The following MAGI1 variants were observed in gnomAD, a reference collection of about 807,000 sequenced individuals.
MAGI1 encodes the protein membrane associated guanylate kinase, WW and PDZ domain containing 1.
MAGI1 carries 58 observed loss-of-function variants against 139.9 expected under a neutral mutation model. The ratio of observed to expected loss-of-function variants is 0.41; its 90% confidence interval spans 0.34 to 0.52. The LOEUF (loss-of-function observed/expected upper bound fraction) is 0.52. Ranked by LOEUF, MAGI1 falls within the 20% of genes least tolerant of loss-of-function variation. The pLI is 0.12. For synonymous variants in MAGI1, 812 were observed against 737.9 expected (o/e 1.10, Z -1.63); for missense variants, 1,874 against 1,901.6 (o/e 0.99, Z 0.27).
chr3:65,508,278 C>A (rs761791780), intron 2 of MAGI1, among the ~76,000 whole-genome samples: 1 of 151,928 alleles, frequency 6.6e-6, no homozygotes, highest in Non-Finnish European at 1.5e-5. Context: ...GCAGTGGGCG[C>A]CTGTAGTCCC....
chr3:65,703,065 G>A (rs892913358), intron 1 of MAGI1, among the ~76,000 whole-genome samples: 13 of 152,044 alleles, frequency 8.6e-5, no homozygotes, highest in South Asian at 4.1e-4. Flanking sequence ...CACCCTCCAC[G>A]TTCAGGAGCA....
At chr3:65,358,928 C>A (rs1940492050) in intron 22 of MAGI1, 4 of 793,326 alleles carry the variant, frequency 5.0e-6, no homozygotes, top group South Asian at 1.6e-5. Flanking sequence ...TCAACAGGGT[C>A]AGCGTTGTAC....
intron 2 of MAGI1, among the ~76,000 whole-genome samples, chr3:65,606,601 T>C (rs1483912177): frequency 6.6e-6 from 1 of 152,164 alleles, no homozygotes; most frequent in East Asian, 1.9e-4. Flanking sequence ...CACTGCAACC[T>C]CCACCTCCCA....
chr3:65,747,771 A>G (rs60680193), intron 1 of MAGI1, among the ~76,000 whole-genome samples: 2 of 152,312 alleles, frequency 1.3e-5, no homozygotes, highest in South Asian at 2.1e-4. Context: ...TTTCTGCGCC[A>G]TCTTCCTGCT....
rs1248418047 is a variant in MAGI1 at position 65,375,805 on chromosome 3, T to C, written c.3136A>G (p.Ile1046Val). The change falls in exon 18 of 23, where the codon ATT becomes GTT. Residue 1046 changes from isoleucine to valine, a missense_variant. Coordinates refer to ENST00000402939, the MANE Select transcript of MAGI1 (RefSeq NM_001033057.2). ...CCCGCTTCCTTGATTAGGTTCACAATGTCTGAATGGGATTTGTTGGTGATG... is the reference window on the plus strand; with the variant it reads ...CCCGCTTCCTTGATTAGGTTCACAACGTCTGAATGGGATTTGTTGGTGATG... ...CSITNKSHSD[I>V]VNLIKEAGNT... 6.2e-7 allele frequency: 1 copy of C among 1,614,068 alleles called. No homozygotes were observed.
chr3:65,470,441 T>C lies in MAGI1; in HGVS notation c.801A>G (p.Ala267=). 1.2e-6 allele frequency: 2 copies of C among 1,613,520 alleles called. No individual in the cohort carries two copies. The highest frequency in any genetic ancestry group is 1.1e-5 in the South Asian group (1 of 91,048). The change falls in exon 5 of 23, where the codon GCA becomes GCG. Residue 267 remains alanine, a synonymous_variant. Transcript: ENST00000402939. The part of the protein sequence containing the change: ...EQEEHTLQET[A]LPPVNSSIIA... ...TGATGCTACTATTCACAGGTGGTAATGCTGTTTCTTGGAGAGTGTGCTCCT... is the reference window on the plus strand; with the variant it reads ...TGATGCTACTATTCACAGGTGGTAACGCTGTTTCTTGGAGAGTGTGCTCCT...
At chr3:65,939,550 G>GA (rs2063214079) in intron 1 of MAGI1, among the ~76,000 whole-genome samples, 1 of 152,250 alleles carries the variant, frequency 6.6e-6, no homozygotes, top group African/African-American at 2.4e-5. Flanking sequence ...TCTAACTTCA[G>GA]AAAAAATATT....
chr3:65,781,901 C>T (rs896345287), intron 1 of MAGI1, among the ~76,000 whole-genome samples: 2 of 152,194 alleles, frequency 1.3e-5, no homozygotes, highest in African/African-American at 4.8e-5. Context: ...GGGAACCCCC[C>T]CTCACTATAA....
intron 1 of MAGI1, among the ~76,000 whole-genome samples, chr3:65,919,170 T>C (rs2062048874): frequency 6.6e-6 from 1 of 152,192 alleles, no homozygotes. Flanking sequence ...TTCATTGAAT[T>C]TGAGGGAGCT....
chr3:65,759,597 G>T (rs1248565669), intron 1 of MAGI1, among the ~76,000 whole-genome samples: 1 of 152,218 alleles, frequency 6.6e-6, no homozygotes, highest in Non-Finnish European at 1.5e-5. Flanking sequence ...GGGGGTAGAA[G>T]AGGCTGATTT....
chr3:65,746,596 C>T (rs2035728971), intron 1 of MAGI1, among the ~76,000 whole-genome samples: 1 of 152,048 alleles, frequency 6.6e-6, no homozygotes, highest in Non-Finnish European at 1.5e-5. Flanking sequence ...TTCACCCGTC[C>T]TCTTCTTGGG....
chr3:65,721,413 G>C (rs2033007255), intron 1 of MAGI1, among the ~76,000 whole-genome samples: 1 of 152,166 alleles, frequency 6.6e-6, no homozygotes. Flanking sequence ...AATTAGGTCA[G>C]GATAAGGTGC....
intron 1 of MAGI1, among the ~76,000 whole-genome samples, chr3:65,778,758 C>A (rs2038688571): frequency 6.6e-6 from 1 of 152,172 alleles, no homozygotes; most frequent in Admixed American, 6.5e-5. Context: ...TGAAGCCAGT[C>A]AAAATGTGTC....
intron 11 of MAGI1, 146 bp downstream of exon 11, chr3:65,430,553 C>T (rs553669506): frequency 8.0e-5 from 62 of 779,306 alleles, no homozygotes; most frequent in Admixed American, 1.7e-4. Flanking sequence ...AGACCTGGCT[C>T]ATTCTCAAGG....
chr3:66,010,075 C>G lies in MAGI1; in HGVS notation c.313+27921G>C, dbSNP rs1246739602. Among the ~76,000 whole-genome samples, 8 of 29,914 alleles carry G rather than the reference C, an allele frequency of 2.7e-4. No individual in the cohort carries two copies. The South Asian group carries it at 4.7e-3, about 17-fold the overall frequency. The allele number at this position is 29,914 out of a possible 152,430, so 19.6% of individuals were successfully genotyped here. A position where few individuals can be genotyped will look rare whatever the true frequency, so the allele number is the denominator to read the frequency against. ...TGGGTGACAAAGTGATACTCTCTGT[C>G]TCAAAAAAAAAAAAAAAAAAAAAAA... is the stretch of plus-strand genomic sequence containing the variant. On this transcript the variant is annotated intron_variant, in intron 1 of 22. Coordinates refer to ENST00000402939, the MANE Select transcript of MAGI1 (RefSeq NM_001033057.2).
At chr3:65,532,000 G>C (rs1478394132) in intron 2 of MAGI1, among the ~76,000 whole-genome samples, 2 of 152,040 alleles carry the variant, frequency 1.3e-5, no homozygotes, top group African/African-American at 4.8e-5. Context: ...CACTCTCTCA[G>C]CTGCCAACAA....
intron 1 of MAGI1, among the ~76,000 whole-genome samples, chr3:65,724,193 C>T (rs1399747858): frequency 6.6e-6 from 1 of 152,186 alleles, no homozygotes; most frequent in Non-Finnish European, 1.5e-5. Flanking sequence ...TCACACTGTC[C>T]TGTGAAAATT....
At chr3:65,648,300 T>TGC (rs2085385250) in intron 1 of MAGI1, among the ~76,000 whole-genome samples, 2 of 149,308 alleles carry the variant, frequency 1.3e-5, no homozygotes, top group African/African-American at 5.1e-5. Flanking sequence ...CGTGTGTGTG[T>TGC]GTGTGTGTGT....
intron 2 of MAGI1, among the ~76,000 whole-genome samples, chr3:65,536,260 T>TA (rs2078954874): frequency 6.6e-6 from 1 of 152,196 alleles, no homozygotes; most frequent in Admixed American, 6.5e-5. Context: ...TTCACCTTTG[T>TA]ATAATAACTC....
Sources: gnomAD v4.1 joint callset for allele counts (sites outside exome capture counted in the v4.1 genomes callset) on GRCh38, gnomAD v4.1.1 for gene constraint, MANE v1.5 for transcripts, NCBI Gene and HGNC (gene_info 2026-07-23, HGNC 2026-07-21) for gene names.